Variants in KLF12 observed in about 807,000 individuals in gnomAD.
KLF12 encodes Krueppel-like factor 12.
A neutral mutation model predicts 37.8 loss-of-function variants in KLF12; 9 were observed. The ratio of observed to expected loss-of-function variants is 0.24; its 90% CI spans 0.14 to 0.42. The LOEUF (loss-of-function observed/expected upper bound fraction) is 0.42. Ranked by LOEUF, KLF12 falls within the 10% of genes least tolerant of loss-of-function variation. The probability of loss-of-function intolerance (pLI) is 1.00; values close to 1 mark genes in which losing one functional copy is unlikely to be tolerated. For synonymous variants in KLF12, 208 were observed against 202.1 expected (o/e 1.03, Z -0.25); for missense variants, 411 against 516.0 (o/e 0.80, Z 1.97).
At chr13:73,891,858 C>T (rs1887522436) in intron 3 of KLF12, among the ~76,000 whole-genome samples, 1 of 152,016 alleles carries the variant, frequency 6.6e-6, no homozygotes, top group East Asian at 1.9e-4. Flanking sequence ...ATGAGTAAAG[C>T]AGAAAAATGT....
rs1265265000 is a variant in KLF12 at position 73,731,680 on chromosome 13, T to C, written c.870-16155A>G. Reference sequence around the variant, plus strand: ...TTGCTTTTCTGATTGTTTTTAATTATAGGAGTTTGTTTTTCAGGACCTCAA... The same window carrying C: ...TTGCTTTTCTGATTGTTTTTAATTACAGGAGTTTGTTTTTCAGGACCTCAA... On this transcript the variant is annotated intron_variant, in intron 6 of 7. Transcript: ENST00000377669. Among the ~76,000 whole-genome samples, 3 of 152,136 alleles carry C rather than the reference T, an allele frequency of 2.0e-5. 1 individual carries two copies.
At chr13:73,880,986 T>A (rs995340375) in intron 3 of KLF12, among the ~76,000 whole-genome samples, 1 of 152,200 alleles carries the variant, frequency 6.6e-6, no homozygotes, top group African/African-American at 2.4e-5. Flanking sequence ...CTGAAAGTGT[T>A]AACGTCTAAA....
At chr13:73,883,902 T>A (rs983166831) in intron 3 of KLF12, among the ~76,000 whole-genome samples, 1 of 152,228 alleles carries the variant, frequency 6.6e-6, no homozygotes, top group Admixed American at 6.5e-5. Context: ...TATTCTGCCA[T>A]GAACTCTGAT....
intron 1 of KLF12, among the ~76,000 whole-genome samples, chr13:74,025,391 AT>A (rs1318242421): frequency 6.6e-6 from 1 of 151,992 alleles, no homozygotes; most frequent in Non-Finnish European, 1.5e-5. Context: ...AACTACTTCT[AT>A]TTTCTAAGGG....
chr13:73,857,893 T>C (rs931581908), intron 3 of KLF12, among the ~76,000 whole-genome samples: 73 of 152,176 alleles, frequency 4.8e-4, no homozygotes, highest in African/African-American at 1.7e-3. Flanking sequence ...CAATATTCAA[T>C]GGCAGGGAAA....
chr13:73,962,139 A>C (rs9543499), intron 2 of KLF12: 281,816 of 368,274 alleles, frequency 0.77, 109,365 homozygotes, highest in East Asian at 0.89. Context: ...TTAATCAGCA[A>C]TAGAAAGAAA....
intron 3 of KLF12, among the ~76,000 whole-genome samples, chr13:73,934,950 A>ATTATTTAC (rs1555327052): frequency 2.9e-5 from 4 of 139,656 alleles, no homozygotes; most frequent in Admixed American, 2.2e-4. Flanking sequence ...ATAGGTTTTT[A>ATTATTTAC]TTATTTATTT....
At chr13:74,152,284 G>T in the KLF12 span, among the ~76,000 whole-genome samples, 1 of 152,068 alleles carries the variant, frequency 6.6e-6, no homozygotes, top group Admixed American at 6.5e-5. Flanking sequence ...TGTCATTCTG[G>T]TACACATAAT....
intron 2 of KLF12, among the ~76,000 whole-genome samples, chr13:73,950,381 T>C (rs1890599741): frequency 1.3e-5 from 2 of 152,212 alleles, no homozygotes; most frequent in Non-Finnish European, 2.9e-5. Context: ...CATGCCTACT[T>C]TCCTTTGTTC....
chr13:74,002,645 G>A (rs894304357), intron 1 of KLF12, among the ~76,000 whole-genome samples: 2 of 152,168 alleles, frequency 1.3e-5, no homozygotes, highest in Admixed American at 6.5e-5. Flanking sequence ...TGGGATTACA[G>A]GCATGAGCCA....
At chr13:73,777,588 A>T (rs1880691243) in intron 5 of KLF12, among the ~76,000 whole-genome samples, 1 of 152,092 alleles carries the variant, frequency 6.6e-6, no homozygotes, top group African/African-American at 2.4e-5. Context: ...CATGCCAGTA[A>T]TCCCAGCTAC....
At chr13:74,138,182 T>C (rs993020810), upstream of KLF12, among the ~76,000 whole-genome samples, 1 of 152,238 alleles carries the variant, frequency 6.6e-6, no homozygotes, top group African/African-American at 2.4e-5. Context: ...AAACCATAGA[T>C]GATTTAGCAC....
At chr13:73,991,241 T>C (rs927839713) in intron 2 of KLF12, among the ~76,000 whole-genome samples, 13 of 152,218 alleles carry the variant, frequency 8.5e-5, no homozygotes, top group African/African-American at 2.7e-4. Flanking sequence ...AAACTTTTAG[T>C]ACGATTATAT....
chr13:74,050,792 TGA>T (rs1872866777), intron 1 of KLF12, among the ~76,000 whole-genome samples: 1 of 152,076 alleles, frequency 6.6e-6, no homozygotes, highest in Non-Finnish European at 1.5e-5. Flanking sequence ...ACCTACAGAA[TGA>T]GAGATAATAT....
chr13:73,838,278 C>T (rs1201899477), intron 4 of KLF12, among the ~76,000 whole-genome samples: 2 of 141,074 alleles, frequency 1.4e-5, no homozygotes, highest in Admixed American at 7.0e-5. Context: ...AGAAAAGCAA[C>T]AGCCTGTAGG....
At chr13:74,200,359 C>T in the KLF12 span, among the ~76,000 whole-genome samples, 1 of 151,968 alleles carries the variant, frequency 6.6e-6, no homozygotes, top group Non-Finnish European at 1.5e-5. Flanking sequence ...GCTGGGGGAA[C>T]TTGATGTTTC....
chr13:74,078,260 T>C (rs191276553), intron 1 of KLF12, among the ~76,000 whole-genome samples: 15 of 152,326 alleles, frequency 9.8e-5, no homozygotes, highest in Admixed American at 3.9e-4. Context: ...CTTTTTACAA[T>C]TAGTCTCCTC....
intron 1 of KLF12, among the ~76,000 whole-genome samples, chr13:74,061,348 T>C (rs1351124176): frequency 6.6e-6 from 1 of 152,186 alleles, no homozygotes; most frequent in Non-Finnish European, 1.5e-5. Flanking sequence ...TTTTAATCAC[T>C]AAGACAAATT....
At chr13:74,135,016 G>T (rs996852195), upstream of KLF12, among the ~76,000 whole-genome samples, 9 of 151,552 alleles carry the variant, frequency 5.9e-5, no homozygotes. Context: ...CAACAATGGG[G>T]TCAGGCAGGG....
Sources: gnomAD v4.1 joint callset for allele counts (sites outside exome capture counted in the v4.1 genomes callset) on GRCh38, gnomAD v4.1.1 for gene constraint, MANE v1.5 for transcripts, NCBI Gene and HGNC (gene_info 2026-07-23, HGNC 2026-07-21) for gene names.